Variants in ZNF536 observed in about 807,000 individuals in gnomAD.
ZNF536 encodes the protein zinc finger protein 536.
A neutral mutation model predicts 84.5 loss-of-function variants in ZNF536; 13 were observed. That is an observed-to-expected ratio of 0.15 (90% CI 0.10 to 0.24). The LOEUF is 0.24. ZNF536 is among the 10% of genes least tolerant of loss of function. ZNF536 has a pLI of 1.00. For synonymous variants in ZNF536, 811 were observed against 742.5 expected (o/e 1.09, Z -1.50); for missense variants, 1,536 against 1,747.5 (o/e 0.88, Z 2.16).
intron 1 of ZNF536, among the ~76,000 whole-genome samples, chr19:30,682,224 A>G (rs2051001659): frequency 6.6e-6 from 1 of 152,142 alleles, no homozygotes; most frequent in Non-Finnish European, 1.5e-5. Flanking sequence ...GAACTCTGCA[A>G]GTTTTGGGTT....
chr19:30,414,589 A>G (rs2050634161), intron 1 of ZNF536, among the ~76,000 whole-genome samples: 1 of 152,222 alleles, frequency 6.6e-6, no homozygotes, highest in Non-Finnish European at 1.5e-5. Context: ...TGCATTCAGC[A>G]TCCATATCCT....
At chr19:30,606,697 C>T (rs1265647844) in intron 1 of ZNF536, among the ~76,000 whole-genome samples, 2 of 152,068 alleles carry the variant, frequency 1.3e-5, no homozygotes, top group African/African-American at 4.8e-5. Context: ...TGAGTTGACT[C>T]CCAGGCACAA....
At chr19:30,299,090 C>A (rs992846877) in intron 2 of ZNF536, among the ~76,000 whole-genome samples, 3 of 152,220 alleles carry the variant, frequency 2.0e-5, no homozygotes, top group Admixed American at 6.5e-5. Context: ...AAGGTAGCCT[C>A]TGTGAAAGAA....
chr19:30,561,647 T>TG (rs1263703257), downstream of ZNF536, among the ~76,000 whole-genome samples: 7 of 152,166 alleles, frequency 4.6e-5, no homozygotes, highest in South Asian at 2.1e-4. Context: ...TCAGCCCCTT[T>TG]GGGGGTCCTC....
At chr19:30,604,650 C>T (rs889472938) in intron 1 of ZNF536, among the ~76,000 whole-genome samples, 17 of 152,104 alleles carry the variant, frequency 1.1e-4, no homozygotes, top group Non-Finnish European at 2.2e-4. Context: ...CAGTTATTAC[C>T]TAATAGATGC....
intron 2 of ZNF536, among the ~76,000 whole-genome samples, chr19:30,504,564 C>G (rs114261249): frequency 3.2e-5 from 4 of 125,796 alleles, no homozygotes; most frequent in African/African-American, 9.1e-5. Flanking sequence ...CTTCCTCCTT[C>G]CCTCTCTCCC....
Position 30,628,931 on chromosome 19 carries a change from C to T in ZNF536, c.169+79417C>T, listed in dbSNP as rs1273037445. Among the ~76,000 whole-genome samples the T allele has an allele frequency of 3.3e-5, 5 of 152,290 alleles. No homozygotes were observed. The South Asian group carries it at 1.0e-3, about 32-fold the overall frequency. On this transcript the variant is annotated intron_variant, in intron 1 of 1. Coordinates refer to the ZNF536 transcript ENST00000592773. Reference sequence around the variant, plus strand: ...CATAGGCCAGGCTGGTCTTGAACTCCTCACCTTGTGATCTACCTGCCTTGG... The same window carrying T: ...CATAGGCCAGGCTGGTCTTGAACTCTTCACCTTGTGATCTACCTGCCTTGG...
chr19:30,419,732 C>T (rs933618290), intron 1 of ZNF536, among the ~76,000 whole-genome samples: 37 of 152,204 alleles, frequency 2.4e-4, no homozygotes, highest in African/African-American at 8.7e-4. Flanking sequence ...TGAGAAGAGG[C>T]AGCACGCTCC....
intron 1 of ZNF536, among the ~76,000 whole-genome samples, chr19:30,705,913 A>G (rs1302398535): frequency 2.0e-5 from 3 of 152,228 alleles, no homozygotes; most frequent in African/African-American, 7.2e-5. Flanking sequence ...GGCTATTACC[A>G]AGAAACAGAG....
At chr19:30,544,555 G>T (rs1191621030) in intron 3 of ZNF536, among the ~76,000 whole-genome samples, 1 of 152,180 alleles carries the variant, frequency 6.6e-6, no homozygotes, top group Non-Finnish European at 1.5e-5. Flanking sequence ...GAGAGTGCGT[G>T]TGCGTGAACT....
chr19:30,256,223 T>A (rs961417627), intron 1 of ZNF536, among the ~76,000 whole-genome samples: 1 of 151,898 alleles, frequency 6.6e-6, no homozygotes, highest in Non-Finnish European at 1.5e-5. Flanking sequence ...TTTGTAGGAG[T>A]TTGTGAAATT....
intron 1 of ZNF536, among the ~76,000 whole-genome samples, chr19:30,263,708 GT>G (rs1047360005): frequency 5.6e-4 from 86 of 152,278 alleles, no homozygotes; most frequent in African/African-American, 2.0e-3. Context: ...GTTAAGTTGT[GT>G]GTGTGCACGC....
intron 2 of ZNF536, among the ~76,000 whole-genome samples, chr19:30,493,181 A>T (rs2054579788): frequency 6.8e-6 from 1 of 147,386 alleles, no homozygotes; most frequent in Non-Finnish European, 1.5e-5. Flanking sequence ...AAGTACTAAA[A>T]TATTTTTTTT....
chr19:30,626,104 G>C (rs997012060), intron 1 of ZNF536, among the ~76,000 whole-genome samples: 2 of 152,218 alleles, frequency 1.3e-5, no homozygotes, highest in Non-Finnish European at 2.9e-5. Flanking sequence ...TCTGCTACCG[G>C]CTGAGTCTGT....
chr19:30,592,198 A>G (rs2047299047), intron 1 of ZNF536, among the ~76,000 whole-genome samples: 2 of 152,232 alleles, frequency 1.3e-5, no homozygotes, highest in African/African-American at 4.8e-5. Context: ...CAAAGCAAAA[A>G]TAGCATCCAT....
chr19:30,462,452 G>A (rs1184630659), intron 2 of ZNF536, among the ~76,000 whole-genome samples: 1 of 151,992 alleles, frequency 6.6e-6, no homozygotes, highest in East Asian at 1.9e-4. Flanking sequence ...GTAGCTGCGG[G>A]TGCATGTATC....
chr19:30,512,725 G>A (rs771920150), intron 2 of ZNF536, among the ~76,000 whole-genome samples: 2 of 152,142 alleles, frequency 1.3e-5, no homozygotes, highest in Non-Finnish European at 1.5e-5. Context: ...TCATTAAGTA[G>A]TTCTTGTCAG....
chr19:30,514,807 A>T (rs531626101), intron 2 of ZNF536, among the ~76,000 whole-genome samples: 16 of 151,708 alleles, frequency 1.1e-4, no homozygotes, highest in African/African-American at 3.9e-4. Flanking sequence ...CTCATTGTTG[A>T]CTCCGGCTCT....
chr19:30,513,485 G>T (rs1008433160), intron 2 of ZNF536, among the ~76,000 whole-genome samples: 1 of 152,156 alleles, frequency 6.6e-6, no homozygotes, highest in Non-Finnish European at 1.5e-5. Context: ...CAACCCCGGT[G>T]ACTCCTGTGA....
Sources: allele counts gnomAD v4.1 joint callset (sites outside exome capture counted in the v4.1 genomes callset), GRCh38; gene constraint gnomAD v4.1.1; transcripts MANE v1.5; gene names NCBI Gene and HGNC (gene_info 2026-07-23, HGNC 2026-07-21).